Variants in WASHC2A observed in about 807,000 individuals in gnomAD.
WASHC2A encodes WASH complex subunit 2A, also known as WASH complex subunit FAM21A.
Under a neutral mutation model 140.3 loss-of-function variants are expected in WASHC2A, and 82 were observed. That is an observed-to-expected ratio of 0.58 (90% CI 0.49 to 0.70). The LOEUF (loss-of-function observed/expected upper bound fraction) is 0.70. Among genes scored for constraint, WASHC2A ranks in the 30% least tolerant of loss-of-function variants. The pLI, the probability that WASHC2A is intolerant of heterozygous loss-of-function variation, is 0.00. For missense variants in WASHC2A, 985 were observed against 1,521.8 expected, an observed-to-expected ratio of 0.65 and a Z score of 5.87; for synonymous variants, 340 against 560.8, an observed-to-expected ratio of 0.61 and a Z score of 5.56.
chr10:50,129,323 A>G (rs1564812501), intron 28 of WASHC2A, 96 bp from the exon 29 acceptor site: 8 of 1,601,254 alleles, frequency 5.0e-6, no homozygotes, highest in Non-Finnish European at 6.8e-6. Context: ...TAGACCAGAT[A>G]ACCTTACAAT....
intron 19 of WASHC2A, among the ~76,000 whole-genome samples, chr10:50,108,910 A>G (rs1420661919): frequency 2.0e-5 from 3 of 151,296 alleles, no homozygotes; most frequent in African/African-American, 7.3e-5. Flanking sequence ...AAAAAAAAAA[A>G]AAGAAGACCT....
At chr10:50,117,848 A>T in intron 21 of WASHC2A, 58 bp from the exon 22 acceptor site, 1 of 992,662 alleles carries the variant, frequency 1.0e-6, no homozygotes, top group Non-Finnish European at 1.5e-6. Context: ...GTATATGGCC[A>T]TGCTGGTCAG....
In WASHC2A at chr10:50,113,971, C is replaced by T; in HGVS notation, c.2116C>T (p.Pro706Ser). Residue 706 changes from proline (P) to serine (S), a missense_variant, in exon 21 of 31, where the codon CCC becomes TCC. Physicochemically the swap from Pro to Ser is moderately conservative, Grantham distance 74. Coordinates refer to ENST00000282633, the MANE Select transcript of WASHC2A (RefSeq NM_001005751.3). ...CGGAGGCTCTCTGTTTGGCTCTCCT[C>T]CCACATCTGTTCCTCCTGCAACAAA... ...DSGGSLFGSP[P>S]TSVPPATKKK... 2.5e-6 allele frequency: 1 copy of T among 406,622 alleles called. No individual in the cohort carries two copies. The allele number at this position is 406,622 out of a possible 1,614,324, so 25.2% of individuals were successfully genotyped here. A position where few individuals can be genotyped will look rare whatever the true frequency, so the allele number is the denominator to read the frequency against.
chr10:50,086,602 C>G (rs2997926), intron 7 of WASHC2A, among the ~76,000 whole-genome samples: 33,568 of 116,254 alleles, frequency 0.29, 5,653 homozygotes, highest in Middle Eastern at 0.45. Flanking sequence ...CCCCTCCCCC[C>G]ACCCCACCAC....
rs2669652 is a variant in WASHC2A at position 50,095,587 on chromosome 10, T to C, written c.1241-12T>C. On this transcript the variant is annotated splice_polypyrimidine_tract_variant and intron_variant, in intron 14 of 30. Transcript: ENST00000282633. ...GCTCACAGCTGTGGCTGTCTTGTCT[T>C]TCCACCCACAGGAGACACGGATGTG... The C allele has an allele frequency of 0.61, 977,976 of 1,611,406 alleles. 298,188 individuals carry two copies. Among genetic ancestry groups the C allele is most frequent in the East Asian group, 0.72 (32,141 of 44,864 alleles).
rs2669779 is a variant in WASHC2A at position 50,120,085 on chromosome 10, T to C, written c.2478+316T>C. 9.2e-3 allele frequency among the ~76,000 whole-genome samples: 1,033 copies of C among 112,314 alleles called. 3 individuals are homozygous for C. The highest frequency in any genetic ancestry group is 0.013 in the East Asian group (34 of 2,582). 73.7% of individuals were successfully genotyped at this position (112,314 alleles called of 152,430 possible). On this transcript the variant is annotated intron_variant, in intron 23 of 30. Coordinates refer to ENST00000282633, the MANE Select transcript of WASHC2A (RefSeq NM_001005751.3). ...GCAGGAAAGGGAAGTTAGGCTGGAG[T>C]TGTACAGTTAAGTATTTCTAACATT... is the stretch of plus-strand genomic sequence containing the variant.
intron 29 of WASHC2A, 54 bp from the exon 30 acceptor site, chr10:50,130,847 T>C: frequency 6.2e-7 from 1 of 1,608,310 alleles, no homozygotes; most frequent in Non-Finnish European, 8.5e-7. Context: ...GTGTTTGAGC[T>C]TAAAAAGAAA....
intron 16 of WASHC2A, among the ~76,000 whole-genome samples, chr10:50,098,670 A>C (rs1470452679): frequency 2.3e-4 from 26 of 114,892 alleles, no homozygotes; most frequent in African/African-American, 8.0e-4. Flanking sequence ...GTGTGTCTGC[A>C]TTGCATTTGG....
At chr10:50,127,500 A>G in intron 27 of WASHC2A, 83 bp from the exon 28 acceptor site, 1 of 1,611,736 alleles carries the variant, frequency 6.2e-7, no homozygotes, top group Non-Finnish European at 8.5e-7. Flanking sequence ...CATTATGTGC[A>G]CCGAATCTTG....
rs782289097 is a variant in WASHC2A at position 50,118,021 on chromosome 10, T to C, written c.2258T>C (p.Leu753Ser). 1 of 1,607,082 alleles carries C rather than the reference T, an allele frequency of 6.2e-7. No homozygotes were observed. The highest frequency in any genetic ancestry group is 8.5e-7 in the Non-Finnish European group (1 of 1,177,110). ...DKKVESAKES[L>S]KFGRTDVAES... is the part of the protein sequence containing the mutation. ...AAGGTTGAGAGTGCCAAGGAGTCAT[T>C]AAAATTTGGGAGAACTGATGTGGCT... Residue 753 changes from leucine (L) to serine (S), a missense_variant, in exon 22 of 31, where the codon TTA becomes TCA. Coordinates refer to ENST00000282633, the MANE Select transcript of WASHC2A (RefSeq NM_001005751.3).
intron 17 of WASHC2A, among the ~76,000 whole-genome samples, chr10:50,102,652 G>A (rs1291296089): frequency 7.6e-6 from 1 of 131,912 alleles, no homozygotes; most frequent in Non-Finnish European, 1.6e-5. Context: ...AGTAGACAGC[G>A]ACCCCATAAT....
chr10:50,070,055 G>A (rs1163909600), intron 3 of WASHC2A, among the ~76,000 whole-genome samples: 1 of 152,172 alleles, frequency 6.6e-6, no homozygotes, highest in Non-Finnish European at 1.5e-5. Flanking sequence ...TAGACCCTCT[G>A]GACACCAGCA....
chr10:50,079,287 C>G (rs1190910229), intron 4 of WASHC2A, among the ~76,000 whole-genome samples: 2 of 152,012 alleles, frequency 1.3e-5, no homozygotes, highest in African/African-American at 4.8e-5. Flanking sequence ...GCAATTATTA[C>G]TTGTAACAGA....
rs547974657 is a variant in WASHC2A at position 50,071,066 on chromosome 10, T to C, written c.291+1355T>C. ...AAAAAAAGTATTCAAGTAAAATCAG[T>C]AGTTTTCTGATTGTTTACACAGAAT... On this transcript the variant is annotated intron_variant, in intron 3 of 30. Transcript: ENST00000282633. 1.1e-4 allele frequency among the ~76,000 whole-genome samples: 13 copies of C among 117,664 alleles called. No individual in the cohort carries two copies. In the East Asian group the frequency reaches 4.1e-3, roughly 37 times the overall value. The allele number at this position is 117,664 out of a possible 152,430, so 77.2% of individuals were successfully genotyped here. A position where few individuals can be genotyped will look rare whatever the true frequency, so the allele number is the denominator to read the frequency against.
intron 2 of WASHC2A, among the ~76,000 whole-genome samples, chr10:50,068,826 C>T (rs1837532883): frequency 6.8e-6 from 1 of 147,642 alleles, no homozygotes; most frequent in African/African-American, 2.5e-5. Context: ...ATCCTCTCAC[C>T]TCAGCGTCCT....
chr10:50,104,612 C>T (rs1196948656), intron 18 of WASHC2A, among the ~76,000 whole-genome samples: 1 of 152,142 alleles, frequency 6.6e-6, no homozygotes, highest in Non-Finnish European at 1.5e-5. Flanking sequence ...CTGCCTCGGC[C>T]TCCCTAAGTG....
chr10:50,076,731 A>G (rs1268177643), intron 3 of WASHC2A, among the ~76,000 whole-genome samples: 160 of 152,108 alleles, frequency 1.1e-3, no homozygotes, highest in African/African-American at 3.7e-3. Flanking sequence ...TAATCCCAGC[A>G]CTTTGGGAGG....
chr10:50,076,930 T>C (rs1424668294), intron 3 of WASHC2A, among the ~76,000 whole-genome samples: 40 of 150,792 alleles, frequency 2.7e-4, no homozygotes, highest in East Asian at 7.8e-4. Flanking sequence ...CTGGTTAACA[T>C]GGTGAAACCC....
At chr10:50,099,136 A>G (rs1316660220) in intron 16 of WASHC2A, among the ~76,000 whole-genome samples, 6 of 151,852 alleles carry the variant, frequency 4.0e-5, no homozygotes, top group African/African-American at 1.5e-4. Flanking sequence ...TTTTAATTCT[A>G]TATTTCTTAT....
Sources: allele counts gnomAD v4.1 joint callset (sites outside exome capture counted in the v4.1 genomes callset), GRCh38; gene constraint gnomAD v4.1.1; transcripts MANE v1.5; gene names NCBI Gene and HGNC (gene_info 2026-07-23, HGNC 2026-07-21).